Variants in CTNND2 observed in about 807,000 individuals in gnomAD.
The protein encoded by CTNND2 is catenin delta-2.
In CTNND2, 22 loss-of-function variants were observed where a neutral mutation model predicts 144.4. That is an observed-to-expected ratio of 0.15 (90% CI 0.11 to 0.22). The LOEUF (loss-of-function observed/expected upper bound fraction) is 0.22. CTNND2 is among the 10% of genes least tolerant of loss of function. The pLI is 1.00. For missense variants in CTNND2, 1,353 were observed against 1,618.8 expected (o/e 0.84, Z 2.82); for synonymous variants, 751 against 695.6 (o/e 1.08, Z -1.25).
chr5:11,132,559 C>G (rs1053846227), intron 12 of CTNND2, among the ~76,000 whole-genome samples: 1 of 152,138 alleles, frequency 6.6e-6, no homozygotes, highest in African/African-American at 2.4e-5. Context: ...AGAACCCAAC[C>G]GTGAAGGCAC....
At chr5:11,221,212 T>C (rs1263270530) in intron 10 of CTNND2, among the ~76,000 whole-genome samples, 1 of 152,236 alleles carries the variant, frequency 6.6e-6, no homozygotes, top group Non-Finnish European at 1.5e-5. Context: ...GACACAGCTC[T>C]TCCAATCAGC....
intron 3 of CTNND2, among the ~76,000 whole-genome samples, chr5:11,430,747 G>T (rs1763223372): frequency 6.6e-6 from 1 of 152,160 alleles, no homozygotes; most frequent in African/African-American, 2.4e-5. Context: ...CCTTACTTTG[G>T]AAGTTGGGAC....
At chr5:11,004,148 G>T (rs1215370366) in intron 18 of CTNND2, among the ~76,000 whole-genome samples, 1 of 152,124 alleles carries the variant, frequency 6.6e-6, no homozygotes, top group African/African-American at 2.4e-5. Context: ...ACAAAGAAAC[G>T]AAAACACCTG....
chr5:11,257,113 C>A (rs1744334322), intron 9 of CTNND2, among the ~76,000 whole-genome samples: 1 of 152,152 alleles, frequency 6.6e-6, no homozygotes, highest in Admixed American at 6.5e-5. Context: ...ATTACATAGA[C>A]CTTTGTTGGC....
At chr5:11,496,710 G>A (rs371937110) in intron 3 of CTNND2, among the ~76,000 whole-genome samples, 19 of 152,218 alleles carry the variant, frequency 1.2e-4, no homozygotes, top group African/African-American at 4.6e-4. Context: ...ATCTATTGAT[G>A]CATTATATTC....
At chr5:11,398,335 C>G (rs1159597169) in intron 5 of CTNND2, among the ~76,000 whole-genome samples, 1 of 152,050 alleles carries the variant, frequency 6.6e-6, no homozygotes, top group Non-Finnish European at 1.5e-5. Flanking sequence ...CTTTATATTT[C>G]GAATGAGACA....
chr5:11,244,395 C>T (rs1580695225), intron 9 of CTNND2, among the ~76,000 whole-genome samples: 1 of 150,678 alleles, frequency 6.6e-6, no homozygotes, highest in Non-Finnish European at 1.5e-5. Context: ...AGTGATTCTC[C>T]TGCCTCAGCC....
intron 10 of CTNND2, among the ~76,000 whole-genome samples, chr5:11,229,147 T>A (rs1740696375): frequency 6.6e-6 from 1 of 152,130 alleles, no homozygotes; most frequent in Non-Finnish European, 1.5e-5. Context: ...GACATTTCTA[T>A]CAAAAAGAAA....
intron 2 of CTNND2, among the ~76,000 whole-genome samples, chr5:11,720,599 A>T (rs1561729784): frequency 6.6e-6 from 1 of 152,176 alleles, no homozygotes; most frequent in Non-Finnish European, 1.5e-5. Context: ...CACCTGCAAC[A>T]TATGTAACTT....
intron 10 of CTNND2, among the ~76,000 whole-genome samples, chr5:11,201,260 T>A (rs1352288629): frequency 6.6e-6 from 1 of 152,206 alleles, no homozygotes; most frequent in Non-Finnish European, 1.5e-5. Flanking sequence ...ACCTCATAAA[T>A]GTTCAGGAAA....
chr5:11,592,161 TGCCTGCC>T (rs1581577235), intron 2 of CTNND2, among the ~76,000 whole-genome samples: 1 of 134,716 alleles, frequency 7.4e-6, no homozygotes, highest in East Asian at 3.4e-4. Context: ...CCTTCCTGCC[TGCCTGCC>T]TTCCTGCCTG....
rs751811677 is a variant in CTNND2, at chr5:11,903,867, G to A, written c.-14C>T. 28 of 1,474,116 alleles carry A rather than the reference G, an allele frequency of 1.9e-5. No homozygotes were observed. Among genetic ancestry groups the A allele is most frequent in the Non-Finnish European group, 2.4e-5 (27 of 1,118,160 alleles). The allele number at this position is 1,474,116 out of a possible 1,614,324, so 91.3% of individuals were successfully genotyped here. On this transcript the variant is annotated 5_prime_UTR_variant, in exon 1 of 22. Coordinates refer to ENST00000304623, the MANE Select transcript of CTNND2 (RefSeq NM_001332.4). The surrounding 1 kb of genome is among the most constrained non-coding windows in gnomAD (Gnocchi z 5.4). ...CCTCGCAAACATGCACCCTCCGCCG[G>A]CGACAGCTCCTCAGTCCGGGAAGAG...
rs61750669 is a variant in CTNND2, at chr5:11,364,909, G to A, written c.1178-19C>T. 254 of 1,600,914 alleles carry A rather than the reference G, an allele frequency of 1.6e-4. 1 individual carries two copies. In the African/African-American group the frequency reaches 3.2e-3, roughly 20 times the overall value. ...GAACCAGCTGAAATAAATCAACAGAGGGACATCAAAGCTCAGGCGACCTCC... is the reference window on the plus strand; with the variant it reads ...GAACCAGCTGAAATAAATCAACAGAAGGACATCAAAGCTCAGGCGACCTCC... On this transcript the variant is annotated intron_variant, in intron 7 of 21. Coordinates refer to ENST00000304623, the MANE Select transcript of CTNND2 (RefSeq NM_001332.4).
At chr5:11,416,730 A>G (rs1761963231) in intron 3 of CTNND2, among the ~76,000 whole-genome samples, 1 of 152,242 alleles carries the variant, frequency 6.6e-6, no homozygotes, top group East Asian at 1.9e-4. Flanking sequence ...TCAATTTAAT[A>G]TAATAGAAAC....
At chr5:11,060,405 T>TACAC (rs3032070) in intron 16 of CTNND2, among the ~76,000 whole-genome samples, 3,545 of 151,778 alleles carry the variant, frequency 0.023, 146 homozygotes, top group African/African-American at 0.081. Context: ...AAAGGATGAC[T>TACAC]ACACACACAC....
At chr5:11,502,085 G>T (rs1770583806) in intron 3 of CTNND2, among the ~76,000 whole-genome samples, 1 of 150,738 alleles carries the variant, frequency 6.6e-6, no homozygotes, top group African/African-American at 2.4e-5. Context: ...TTGCATGTGA[G>T]GACACAACAA....
intron 7 of CTNND2, among the ~76,000 whole-genome samples, chr5:11,369,715 T>C (rs1757291904): frequency 6.6e-6 from 1 of 152,078 alleles, no homozygotes; most frequent in South Asian, 2.1e-4. Flanking sequence ...GTAAAGGTGT[T>C]GAAGAAAAAT....
At chr5:11,260,337 C>T (rs997163111) in intron 9 of CTNND2, among the ~76,000 whole-genome samples, 8 of 151,898 alleles carry the variant, frequency 5.3e-5, no homozygotes, top group African/African-American at 9.7e-5. Context: ...TATAAAATAA[C>T]GACATATTTT....
chr5:11,241,137 C>T (rs1248259007), intron 9 of CTNND2, among the ~76,000 whole-genome samples: 1 of 151,836 alleles, frequency 6.6e-6, no homozygotes, highest in Non-Finnish European at 1.5e-5. Flanking sequence ...CGCTCAAACA[C>T]ACCCAACATA....
Sources: allele counts gnomAD v4.1 joint callset (sites outside exome capture counted in the v4.1 genomes callset), GRCh38; gene constraint gnomAD v4.1.1; non-coding constraint Gnocchi (gnomAD v3.1); transcripts MANE v1.5; gene names NCBI Gene and HGNC (gene_info 2026-07-23, HGNC 2026-07-21).